The following ERN2 variants were observed in gnomAD, a reference collection of about 807,000 sequenced individuals.
ERN2 encodes endoplasmic reticulum to nucleus signaling 2, also known as serine/threonine-protein kinase/endoribonuclease IRE2.
In ERN2, 111 loss-of-function variants were observed where a neutral mutation model predicts 107.9. The ratio of observed to expected loss-of-function variants is 1.03; its 90% CI spans 0.88 to 1.20. ERN2 has a LOEUF of 1.20. Among genes scored for constraint, ERN2 ranks in the 50% most tolerant of loss-of-function variants. The pLI, the probability that ERN2 is intolerant of heterozygous loss-of-function variation, is 0.00. For missense variants in ERN2, 1,225 were observed against 1,197.9 expected (o/e 1.02, Z -0.33); for synonymous variants, 524 against 501.7 (o/e 1.04, Z -0.59).
At chr16:23,693,967 G>A (rs1688999404) in intron 17 of ERN2, among the ~76,000 whole-genome samples, 1 of 152,120 alleles carries the variant, frequency 6.6e-6, no homozygotes. Flanking sequence ...AAAAATCACG[G>A]GGTGTGGGGC....
chr16:23,691,016 C>T lies in ERN2; in HGVS notation c.2596G>A (p.Glu866Lys), dbSNP rs781416428. The change falls in exon 22 of 22, where the codon GAG becomes AAG. Residue 866 changes from glutamate (E) to lysine (K), a missense_variant. By Grantham distance (56) the Glu-to-Lys change is moderately conservative. Coordinates refer to ENST00000256797, the MANE Select transcript of ERN2 (RefSeq NM_033266.4). Reference protein sequence around the residue: ...KKHHYRELPVEVRQALGQVPD... With the variant: ...KKHHYRELPVKVRQALGQVPD... ...ACTTGGCCGAGTGCCTGTCGCACCT[C>T]AACTGGGAGCTCCCTGTAGTGGTGC... 1.1e-5 allele frequency: 18 copies of T among 1,614,092 alleles called. No individual in the cohort carries two copies. The highest frequency in any genetic ancestry group is 1.4e-5 in the Non-Finnish European group (17 of 1,180,044).
chr16:23,713,036 C>T (rs1035449684), intron 1 of ERN2, 59 bp downstream of exon 1: 1 of 1,330,246 alleles, frequency 7.5e-7, no homozygotes, highest in Non-Finnish European at 9.9e-7. Flanking sequence ...AAGTGCGACG[C>T]CGCCCCCTGC....
rs1176899827 is a variant in ERN2, at chr16:23,700,707, G to GAGCC, written c.1360-4_1360-3insGGCT. On this transcript the variant is annotated splice_region_variant and splice_polypyrimidine_tract_variant and intron_variant, in intron 12 of 21. Transcript: ENST00000256797. ...TTCTCCACCACCTGCGGCTGTTGCT[G>GAGCC]TAACATGAGAGCCTAAGAGAGCTTT... 4.7e-5 allele frequency: 75 copies of GAGCC among 1,610,826 alleles called. No individual in the cohort carries two copies. The highest frequency in any genetic ancestry group is 6.2e-5 in the Non-Finnish European group (73 of 1,178,602).
In ERN2 at chr16:23,694,812, A is replaced by G. The variant is rs758849134; in HGVS notation, c.2016T>C (p.Cys672=). Residue 672 remains cysteine (C), a synonymous_variant, in exon 17 of 22, where the codon TGT becomes TGC. Coordinates refer to ENST00000256797, the MANE Select transcript of ERN2 (RefSeq NM_033266.4). ...GGATGCCGGAGTGGAGGCTGAAGCT[A>G]CAGCGGCCAGCAGGCAGCTTCTTGC... ...GLCKKLPAGR[C]SFSLHSGIPG... The G allele has an allele frequency of 9.3e-6, 15 of 1,613,886 alleles. No individual in the cohort carries two copies. In the South Asian group the frequency reaches 1.1e-4, roughly 12 times the overall value.
chr16:23,701,796 A>AT (rs913015073), intron 11 of ERN2, among the ~76,000 whole-genome samples: 9 of 151,722 alleles, frequency 5.9e-5, no homozygotes, highest in African/African-American at 2.2e-4. Flanking sequence ...TTCCCCACTA[A>AT]TTTTTTATTT....
chr16:23,702,075 G>A (rs1300109258), intron 11 of ERN2, 77 bp downstream of exon 11: 26 of 1,470,294 alleles, frequency 1.8e-5, no homozygotes, highest in African/African-American at 4.2e-5. Flanking sequence ...TTAGCAGCCC[G>A]AGGAAAAGAT....
intron 14 of ERN2, 21 bp downstream of exon 14, chr16:23,695,873 T>C: frequency 6.2e-7 from 1 of 1,603,720 alleles, no homozygotes; most frequent in East Asian, 2.2e-5. Context: ...GTCCCCAGCT[T>C]GGCTCCTGGC....
In ERN2 at chr16:23,710,433, C is replaced by A. The variant is rs1960493771; in HGVS notation, c.233+83G>T. The A allele has an allele frequency of 1.0e-5, 15 of 1,440,886 alleles. No homozygotes were observed. In the Admixed American group the frequency reaches 2.3e-4, roughly 23 times the overall value. 89.3% of individuals were successfully genotyped at this position (1,440,886 alleles called of 1,614,324 possible). ...TCCCTTACTTCCAACATGTCCCTGC[C>A]CCACATACAAACTCTCTCCAGACAA... On this transcript the variant is annotated intron_variant, in intron 3 of 21. Coordinates refer to ENST00000256797, the MANE Select transcript of ERN2 (RefSeq NM_033266.4).
At chr16:23,706,275 T>C (rs1402492283) in intron 7 of ERN2, 55 bp downstream of exon 7, 1 of 1,249,768 alleles carries the variant, frequency 8.0e-7, no homozygotes, top group African/African-American at 1.5e-5. Context: ...CTGTTCAGGG[T>C]TCCCTGGGTT....
chr16:23,691,965 G>A lies in ERN2; in HGVS notation c.2374C>T (p.Gln792Ter), dbSNP rs1158034609. 1 of 1,612,416 alleles carries A rather than the reference G, an allele frequency of 6.2e-7. No homozygotes were observed. The highest frequency in any genetic ancestry group is 1.3e-5 in the African/African-American group (1 of 74,942). The change falls in exon 19 of 22, where the codon CAG becomes TAG. Residue 792 changes from glutamine to a stop codon, truncating the protein, a stop_gained and splice_region_variant. Coordinates refer to ENST00000256797, the MANE Select transcript of ERN2 (RefSeq NM_033266.4). LOFTEE classifies it high-confidence loss of function. ...WSRAKQLQFF[Q>*]DVSDWLEKES... ...CATTCCCAAGCTTTCCTTCTGACCT[G>A]GAAGAACTGGAGTTGCTTGGCTCTG...
intron 13 of ERN2, among the ~76,000 whole-genome samples, chr16:23,696,425 C>T (rs1959829063): frequency 6.6e-6 from 1 of 152,174 alleles, no homozygotes; most frequent in Non-Finnish European, 1.5e-5. Flanking sequence ...CCAGTTGTAA[C>T]TGAATCCTTT....
intron 5 of ERN2, 46 bp downstream of exon 5, chr16:23,706,961 C>G: frequency 6.3e-7 from 1 of 1,591,514 alleles, no homozygotes; most frequent in South Asian, 1.1e-5. Context: ...TAGATCCCTG[C>G]CTCTGCTGGC....
At chr16:23,706,614 A>T in intron 6 of ERN2, 140 bp downstream of exon 6, 1 of 746,422 alleles carries the variant, frequency 1.3e-6, no homozygotes, top group Non-Finnish European at 2.3e-6. Context: ...CCTGGCTCCT[A>T]GTTCAGTGCT....
chr16:23,693,598 A>AT (rs1414277129), intron 17 of ERN2, among the ~76,000 whole-genome samples: 286 of 143,162 alleles, frequency 2.0e-3, no homozygotes, highest in African/African-American at 6.5e-3. Flanking sequence ...TCAAAAAAAA[A>AT]AAAATATATA....
chr16:23,700,897 G>A, intron 12 of ERN2, 62 bp downstream of exon 12: 1 of 1,558,744 alleles, frequency 6.4e-7, no homozygotes, highest in South Asian at 1.2e-5. Context: ...TTGCTGAGTG[G>A]TCTCAGAGAG....
At position 23,694,864 on chromosome 16, in the gene ERN2, C is replaced by A. The variant is rs1188160094; in HGVS notation, c.1964G>T (p.Arg655Ile). The change falls in exon 17 of 22, where the codon AGA (arginine) becomes ATA (isoleucine). Residue 655 changes from arginine (R) to isoleucine (I), a missense_variant. By Grantham distance (97) the Arg-to-Ile change is moderately conservative. Coordinates refer to ENST00000256797, the MANE Select transcript of ERN2 (RefSeq NM_033266.4). ...GAGGCCGAAGTCTGAGAGCACCACT[C>A]TGCCCAGGCCCTGGCTGTCAGGCCC... ...ITGPDSQGLG[R>I]VVLSDFGLCK... 5 of 1,614,096 alleles carry A rather than the reference C, an allele frequency of 3.1e-6. No individual in the cohort carries two copies. Among genetic ancestry groups the A allele is most frequent in the African/African-American group, 1.3e-5 (1 of 74,948 alleles).
At chr16:23,708,331 T>C (rs1960405126) in intron 4 of ERN2, among the ~76,000 whole-genome samples, 1 of 151,366 alleles carries the variant, frequency 6.6e-6, no homozygotes, top group African/African-American at 2.4e-5. Context: ...GCCAGATCTT[T>C]CCATTTGGTG....
intron 13 of ERN2, among the ~76,000 whole-genome samples, chr16:23,697,783 G>T (rs1959890402): frequency 6.6e-6 from 1 of 152,012 alleles, no homozygotes; most frequent in African/African-American, 2.4e-5. Flanking sequence ...TAGAAACAGG[G>T]GCTCACTCTG....
intron 12 of ERN2, 30 bp downstream of exon 12, chr16:23,700,929 A>T: frequency 1.2e-6 from 2 of 1,605,654 alleles, no homozygotes; most frequent in East Asian, 4.5e-5. Flanking sequence ...TTCTCCCCAG[A>T]TAGACCTGAG....
Sources: allele counts gnomAD v4.1 joint callset (sites outside exome capture counted in the v4.1 genomes callset), GRCh38; gene constraint gnomAD v4.1.1; transcripts MANE v1.5; gene names NCBI Gene and HGNC (gene_info 2026-07-23, HGNC 2026-07-21).